ST3GAL2: variants seen among roughly 807,000 people sequenced by gnomAD.
The protein encoded by ST3GAL2 is CMP-N-acetylneuraminate-beta-galactosamide-alpha-2,3-sialyltransferase 2.
ST3GAL2 carries 16 observed loss-of-function variants against 37.5 expected under a neutral mutation model. That is an observed-to-expected ratio of 0.43 (90% CI 0.29 to 0.65). The LOEUF (loss-of-function observed/expected upper bound fraction) is 0.65, where lower values mean the gene tolerates loss of function less well. Among genes scored for constraint, ST3GAL2 ranks in the 30% least tolerant of loss-of-function variants. The pLI is 0.17. For synonymous variants in ST3GAL2, 238 were observed against 202.9 expected (o/e 1.17, Z -1.47); for missense variants, 383 against 487.8 (o/e 0.79, Z 2.02).
intron 1 of ST3GAL2, among the ~76,000 whole-genome samples, chr16:70,435,657 G>A (rs2047820113): frequency 6.6e-6 from 1 of 151,690 alleles, no homozygotes; most frequent in Non-Finnish European, 1.5e-5. Flanking sequence ...AGCCGGGCAT[G>A]GTGGTGCATG....
chr16:70,381,950 A>G, intron 6 of ST3GAL2, 88 bp from the exon 7 acceptor site: 1 of 1,546,780 alleles, frequency 6.5e-7, no homozygotes, highest in Non-Finnish European at 8.8e-7. Context: ...AGGAGAGGGG[A>G]CGGGAGGCCC....
At chr16:70,438,642 TTCC>T (rs1296979202) in intron 1 of ST3GAL2, among the ~76,000 whole-genome samples, 1 of 151,380 alleles carries the variant, frequency 6.6e-6, no homozygotes, top group Non-Finnish European at 1.5e-5. Flanking sequence ...CAGAGAGCTC[TTCC>T]GAGGGCTGGG....
chr16:70,433,983 A>G (rs1414381603), intron 1 of ST3GAL2, among the ~76,000 whole-genome samples: 2 of 152,096 alleles, frequency 1.3e-5, no homozygotes, highest in Non-Finnish European at 2.9e-5. Context: ...CCCATCCCAA[A>G]TGCCTTTTCT....
In ST3GAL2 at chr16:70,377,036, T is replaced by G. The variant is rs551451021; in HGVS notation, c.*4653A>C. On this transcript the variant is annotated 3_prime_UTR_variant, in exon 7 of 7. Coordinates refer to ENST00000342907, the MANE Select transcript of ST3GAL2 (RefSeq NM_006927.4). ...GATTATAGGCATGAGCCACCGTGCC[T>G]GGCCATAAAATGTTTTTAAAAAATT... 2 of 152,024 alleles carry G rather than the reference T, an allele frequency of 1.3e-5. No individual in the cohort carries two copies. The highest frequency in any genetic ancestry group is 1.3e-4 in the Admixed American group (2 of 15,236). 9.4% of individuals were successfully genotyped at this position (152,024 alleles called of 1,614,324 possible).
chr16:70,389,915 T>G (rs1046514534), intron 3 of ST3GAL2, among the ~76,000 whole-genome samples: 1 of 152,042 alleles, frequency 6.6e-6, no homozygotes, highest in South Asian at 2.1e-4. Flanking sequence ...GCCTCCCAAG[T>G]AGCTGGGACT....
intron 1 of ST3GAL2, among the ~76,000 whole-genome samples, chr16:70,408,493 C>G (rs1031605234): frequency 6.6e-6 from 1 of 152,050 alleles, no homozygotes; most frequent in Non-Finnish European, 1.5e-5. Flanking sequence ...CTTGACCTGT[C>G]TGAGAATGGG....
At chr16:70,414,426 C>T (rs1336902225) in intron 1 of ST3GAL2, among the ~76,000 whole-genome samples, 3 of 152,188 alleles carry the variant, frequency 2.0e-5, no homozygotes, top group African/African-American at 7.2e-5. Flanking sequence ...CCAGGTAACA[C>T]GGGCCTTCAG....
At chr16:70,393,062 G>T (rs887891189) in intron 3 of ST3GAL2, among the ~76,000 whole-genome samples, 1 of 150,968 alleles carries the variant, frequency 6.6e-6, no homozygotes, top group Admixed American at 6.6e-5. Context: ...TCCTTACCTG[G>T]CCCCTGTGAG....
rs536742049 is a variant in ST3GAL2 at position 70,406,460 on chromosome 16, G to A, written c.-1003-6927C>T. ...CAGGAGGTGGAGGTTGCAATGAGCC[G>A]AGATTATGCCACTGCACTCCAGCCT... On this transcript the variant is annotated intron_variant, in intron 1 of 6. Transcript: ENST00000342907. Among the ~76,000 whole-genome samples the A allele has an allele frequency of 1.4e-4, 21 of 151,076 alleles. No homozygotes were observed. The South Asian group carries it at 4.0e-3, about 29-fold the overall frequency.
At position 70,395,244 on chromosome 16, in the gene ST3GAL2, C is replaced by A. The variant is rs780183930; in HGVS notation, c.340-69G>T. The stretch of plus-strand genomic sequence containing the variant: ...TGTGTGAAGAAGGAGGGGCCCCGGC[C>A]TCCCCTCCTCTGCCCTCACTATCCT... On this transcript the variant is annotated intron_variant, in intron 2 of 6. Coordinates refer to ENST00000342907, the MANE Select transcript of ST3GAL2 (RefSeq NM_006927.4). 669 of 1,407,392 alleles carry A rather than the reference C, an allele frequency of 4.8e-4. 4 individuals carry two copies. In the Middle Eastern group the frequency reaches 6.1e-3, roughly 13 times the overall value. The allele number at this position is 1,407,392 out of a possible 1,614,324, so 87.2% of individuals were successfully genotyped here. A position where few individuals can be genotyped will look rare whatever the true frequency, so the allele number is the denominator to read the frequency against.
chr16:70,386,120 G>T (rs144267974), intron 4 of ST3GAL2, among the ~76,000 whole-genome samples: 1,573 of 151,412 alleles, frequency 0.01, 13 homozygotes, highest in South Asian at 0.017. Flanking sequence ...TCCCAGGTTC[G>T]AGCGATTCTC....
intron 1 of ST3GAL2, among the ~76,000 whole-genome samples, chr16:70,419,578 C>G (rs1233130158): frequency 6.6e-6 from 1 of 152,206 alleles, no homozygotes; most frequent in Admixed American, 6.5e-5. Context: ...AGCTCCAACA[C>G]ACAAGACAAG....
chr16:70,376,444 A>T lies in ST3GAL2; in HGVS notation c.*5245T>A, dbSNP rs2047346400. 1 of 151,982 alleles carries T rather than the reference A, an allele frequency of 6.6e-6. No individual in the cohort carries two copies. The highest frequency in any genetic ancestry group is 2.1e-4 in the South Asian group (1 of 4,804). The allele number at this position is 151,982 out of a possible 1,614,324, so 9.4% of individuals were successfully genotyped here. A position where few individuals can be genotyped will look rare whatever the true frequency, so the allele number is the denominator to read the frequency against. On this transcript the variant is annotated 3_prime_UTR_variant, in exon 7 of 7. Transcript: ENST00000342907. ...TTGCTAGAGGAAAGGTGTTAATTCC[A>T]CACTCTGAGGACCAGGCTGGCCCAG...
At chr16:70,415,463 T>C (rs1253965415) in intron 1 of ST3GAL2, among the ~76,000 whole-genome samples, 1 of 152,158 alleles carries the variant, frequency 6.6e-6, no homozygotes, top group Non-Finnish European at 1.5e-5. Context: ...CAAGATAATA[T>C]ATTGCAAGCC....
intron 1 of ST3GAL2, among the ~76,000 whole-genome samples, chr16:70,403,602 G>T (rs1054532686): frequency 1.3e-5 from 2 of 152,066 alleles, no homozygotes; most frequent in African/African-American, 4.8e-5. Flanking sequence ...TCATGAGGTC[G>T]GGAGATTGAG....
chr16:70,432,160 G>A (rs895200725), intron 1 of ST3GAL2, among the ~76,000 whole-genome samples: 1 of 151,736 alleles, frequency 6.6e-6, no homozygotes, highest in African/African-American at 2.4e-5. Flanking sequence ...TAGCATGATT[G>A]GTAAAATTTT....
intron 1 of ST3GAL2, among the ~76,000 whole-genome samples, chr16:70,414,175 T>G (rs2047659341): frequency 6.6e-6 from 1 of 152,270 alleles, no homozygotes; most frequent in African/African-American, 2.4e-5. Flanking sequence ...TGGGCATCCC[T>G]GCCAATACTA....
At chr16:70,437,939 G>A (rs2047837273) in intron 1 of ST3GAL2, among the ~76,000 whole-genome samples, 1 of 152,110 alleles carries the variant, frequency 6.6e-6, no homozygotes, top group East Asian at 1.9e-4. Context: ...CGGAGGCTTT[G>A]ACTGAAAAGA....
At chr16:70,388,638 G>A (rs2047459708) in intron 3 of ST3GAL2, 92 bp from the exon 4 acceptor site, 1 of 1,408,056 alleles carries the variant, frequency 7.1e-7, no homozygotes, top group Non-Finnish European at 9.6e-7. Context: ...CATCAAAAAT[G>A]CAAACGGGTG....
Sources: gnomAD v4.1 joint callset for allele counts (sites outside exome capture counted in the v4.1 genomes callset) on GRCh38, gnomAD v4.1.1 for gene constraint, MANE v1.5 for transcripts, NCBI Gene and HGNC (gene_info 2026-07-23, HGNC 2026-07-21) for gene names.